The following CTNNA3 variants were observed in gnomAD, a reference collection of about 807,000 sequenced individuals.
The protein encoded by CTNNA3 is catenin alpha 3.
CTNNA3 carries 76 observed loss-of-function variants against 95.7 expected under a neutral mutation model. That is an observed-to-expected ratio of 0.79 (90% confidence interval 0.66 to 0.96). The LOEUF (loss-of-function observed/expected upper bound fraction) is 0.96. Ranked by LOEUF, CTNNA3 falls within the 40% of genes least tolerant of loss-of-function variation. The pLI is 0.00. For missense variants in CTNNA3, 1,191 were observed against 1,089.8 expected, an observed-to-expected ratio of 1.09 and a Z score of -1.31; for synonymous variants, 431 against 374.4, an observed-to-expected ratio of 1.15 and a Z score of -1.74.
intron 10 of CTNNA3, among the ~76,000 whole-genome samples, chr10:66,590,433 C>A (rs7912401): frequency 4.6e-5 from 7 of 151,882 alleles, no homozygotes; most frequent in African/African-American, 1.7e-4. Context: ...CATTTTGAGA[C>A]AAAAGTGAAA....
chr10:66,022,586 G>C (rs903331099), intron 15 of CTNNA3, among the ~76,000 whole-genome samples: 1 of 150,190 alleles, frequency 6.7e-6, no homozygotes, highest in African/African-American at 2.5e-5. Context: ...ATGACACCCA[G>C]GATATGCACA....
At position 67,060,773 on chromosome 10, in the gene CTNNA3, G is replaced by A. The variant is rs976147073; in HGVS notation, c.1047+119544C>T. Among the ~76,000 whole-genome samples the A allele has an allele frequency of 2.0e-5, 3 of 152,192 alleles. No individual in the cohort carries two copies. In the East Asian group the frequency reaches 5.8e-4, roughly 29 times the overall value. ...TGCCTCTGTCAGCCTAGGTTCCTGA[G>A]TGACTATGGTCCTTAAAACTAGGTG... On this transcript the variant is annotated intron_variant, in intron 7 of 17. Coordinates refer to ENST00000433211, the MANE Select transcript of CTNNA3 (RefSeq NM_013266.4).
intron 13 of CTNNA3, among the ~76,000 whole-genome samples, chr10:66,115,043 C>T (rs1411077289): frequency 1.3e-5 from 2 of 151,816 alleles, no homozygotes; most frequent in Non-Finnish European, 2.9e-5. Flanking sequence ...GGAAAAAAAA[C>T]AAGCAATGAG....
chr10:66,717,749 T>C (rs1486534636), intron 9 of CTNNA3, among the ~76,000 whole-genome samples: 1 of 152,148 alleles, frequency 6.6e-6, no homozygotes, highest in Non-Finnish European at 1.5e-5. Context: ...GCGACTTTGA[T>C]AGCTCTGGCT....
At chr10:66,833,166 T>C (rs28462007) in intron 7 of CTNNA3, among the ~76,000 whole-genome samples, 3,863 of 152,272 alleles carry the variant, frequency 0.025, 153 homozygotes, top group African/African-American at 0.088. Flanking sequence ...TCCTCTGAGG[T>C]CTGAATCATT....
chr10:67,507,162 C>T (rs549801584), intron 5 of CTNNA3, among the ~76,000 whole-genome samples: 15 of 152,262 alleles, frequency 9.9e-5, no homozygotes, highest in Admixed American at 8.5e-4. Context: ...TGGATAAATT[C>T]CTAGACACAT....
chr10:66,706,502 G>A (rs1848122602), intron 9 of CTNNA3, among the ~76,000 whole-genome samples: 2 of 151,380 alleles, frequency 1.3e-5, no homozygotes, highest in African/African-American at 4.9e-5. Context: ...ATTATTGACT[G>A]TGTACATAAA....
rs200961420 is a variant in CTNNA3 at position 67,692,736 on chromosome 10, T to TAAAAAA, written c.-6+3258_-6+3263dup. 8.2e-3 allele frequency among the ~76,000 whole-genome samples: 664 copies of TAAAAAA among 80,770 alleles called. 29 individuals are homozygous for TAAAAAA. Among genetic ancestry groups the TAAAAAA allele is most frequent in the African/African-American group, 0.029 (620 of 21,490 alleles). The allele number at this position is 80,770 out of a possible 152,430, so 53.0% of individuals were successfully genotyped here. A position where few individuals can be genotyped will look rare whatever the true frequency, so the allele number is the denominator to read the frequency against. On this transcript the variant is annotated intron_variant, in intron 1 of 17. Transcript: ENST00000433211. ...GCGAGAAACACCCAAGAATGATCAATAAAAAAAAAAAAAAAAAAAAAAGTC... is the reference window on the plus strand; with the variant it reads ...GCGAGAAACACCCAAGAATGATCAATAAAAAAAAAAAAAAAAAAAAAAAAAAAAGTC...
At chr10:67,209,071 A>G (rs1431274338) in intron 6 of CTNNA3, among the ~76,000 whole-genome samples, 1 of 152,076 alleles carries the variant, frequency 6.6e-6, no homozygotes, top group African/African-American at 2.4e-5. Context: ...TGTTGTTAAG[A>G]CAGAGTCTCA....
At chr10:66,445,410 C>T (rs2093412236) in intron 11 of CTNNA3, among the ~76,000 whole-genome samples, 5 of 151,966 alleles carry the variant, frequency 3.3e-5, no homozygotes, top group South Asian at 2.1e-4. Context: ...CAAAATTGAC[C>T]ACATAGTTGG....
chr10:67,575,325 C>T (rs1488350170), intron 3 of CTNNA3, among the ~76,000 whole-genome samples: 2 of 121,068 alleles, frequency 1.7e-5, no homozygotes, highest in Admixed American at 1.6e-4. Context: ...AACCGTATGT[C>T]GTCCTTTCAA....
intron 11 of CTNNA3, among the ~76,000 whole-genome samples, chr10:66,489,873 CA>C (rs1189531419): frequency 6.6e-6 from 1 of 152,156 alleles, no homozygotes; most frequent in Non-Finnish European, 1.5e-5. Context: ...CAACTTGTCC[CA>C]AAAACTTGGA....
chr10:67,252,874 T>C (rs757939992), intron 5 of CTNNA3, among the ~76,000 whole-genome samples: 43 of 152,344 alleles, frequency 2.8e-4, no homozygotes, highest in Middle Eastern at 3.4e-3. Flanking sequence ...TTCCATCTAA[T>C]TAATCACTTA....
chr10:67,214,614 C>A (rs930477138), intron 6 of CTNNA3, among the ~76,000 whole-genome samples: 4 of 151,688 alleles, frequency 2.6e-5, no homozygotes, highest in African/African-American at 2.4e-5. Flanking sequence ...TTTTATTTTT[C>A]TTTAACAATT....
chr10:66,006,099 G>T (rs923870907), intron 15 of CTNNA3, among the ~76,000 whole-genome samples: 1 of 145,988 alleles, frequency 6.8e-6, no homozygotes, highest in African/African-American at 2.6e-5. Flanking sequence ...TGCAAGCTCT[G>T]CCTCCTGGGT....
chr10:66,418,556 G>GAC (rs57694585), intron 11 of CTNNA3, among the ~76,000 whole-genome samples: 5,221 of 144,550 alleles, frequency 0.036, 98 homozygotes, highest in Middle Eastern at 0.061. Context: ...AGCACACAGG[G>GAC]ACACACACAC....
intron 11 of CTNNA3, among the ~76,000 whole-genome samples, chr10:66,452,846 C>G (rs2093473168): frequency 6.6e-6 from 1 of 152,032 alleles, no homozygotes; most frequent in Non-Finnish European, 1.5e-5. Context: ...CTTTGACTGC[C>G]TATAATTTCA....
chr10:66,051,570 G>A (rs570991391), intron 15 of CTNNA3, among the ~76,000 whole-genome samples: 2 of 152,292 alleles, frequency 1.3e-5, no homozygotes, highest in African/African-American at 2.4e-5. Flanking sequence ...AAAACATTTA[G>A]TGATTTCCAA....
At chr10:66,683,184 TG>T (rs1312725013) in intron 9 of CTNNA3, among the ~76,000 whole-genome samples, 1 of 152,160 alleles carries the variant, frequency 6.6e-6, no homozygotes, top group Non-Finnish European at 1.5e-5. Flanking sequence ...AGTATTAGAC[TG>T]TCAAATATAT....
Sources: allele counts gnomAD v4.1 joint callset (sites outside exome capture counted in the v4.1 genomes callset), GRCh38; gene constraint gnomAD v4.1.1; transcripts MANE v1.5; gene names NCBI Gene and HGNC (gene_info 2026-07-23, HGNC 2026-07-21).